HS6ST2: variants seen among roughly 807,000 people sequenced by gnomAD.
HS6ST2 encodes heparan sulfate 6-O-sulfotransferase 2.
In HS6ST2, 17 loss-of-function variants were observed where a neutral mutation model predicts 33.0. The observed-to-expected ratio is 0.52, with a 90% CI of 0.35 to 0.77. HS6ST2 has a LOEUF of 0.77. HS6ST2 is among the 30% of genes least tolerant of loss of function. HS6ST2 has a pLI of 0.01. For missense variants in HS6ST2, 519 were observed against 551.7 expected (o/e 0.94, Z 0.59); for synonymous variants, 248 against 237.1 (o/e 1.05, Z -0.42).
chrX:132,900,953 C>T (rs1338602078), intron 2 of HS6ST2, among the ~76,000 whole-genome samples: 1 of 112,295 alleles, frequency 8.9e-6, no homozygotes, highest in African/African-American at 3.2e-5. Flanking sequence ...CTCTTATTAT[C>T]TTTCACTTTC....
At chrX:132,699,354 A>G (rs973557574) in intron 3 of HS6ST2, among the ~76,000 whole-genome samples, 6 of 111,831 alleles carry the variant, frequency 5.4e-5, no homozygotes, top group Admixed American at 4.8e-4. Flanking sequence ...ATTTATACAT[A>G]TTTTGATAGC....
At chrX:132,781,687 G>C (rs185878310) in intron 2 of HS6ST2, among the ~76,000 whole-genome samples, 1 of 111,628 alleles carries the variant, frequency 9.0e-6, no homozygotes, top group Non-Finnish European at 1.9e-5. Context: ...GAAGGTGAAC[G>C]GGAAGCAAGG....
intron 4 of HS6ST2, among the ~76,000 whole-genome samples, chrX:132,647,660 G>A (rs745878149): frequency 8.9e-6 from 1 of 112,270 alleles, no homozygotes; most frequent in South Asian, 3.7e-4. Flanking sequence ...TAGCATCTGT[G>A]CAAACACTGG....
intron 2 of HS6ST2, among the ~76,000 whole-genome samples, chrX:132,727,358 G>C (rs1453938123): frequency 9.0e-6 from 1 of 110,877 alleles, no homozygotes; most frequent in African/African-American, 3.3e-5. Context: ...ATTCAAGGGT[G>C]AATAAGACAT....
rs543368656 is a variant in HS6ST2 at position 132,898,613 on chromosome X, T to C, written c.947+58195A>G. ...ACACTAGACAACAGTCAGTACAAGA[T>C]TGCTAGCCCTCAGAGAAGGGGAACA... On this transcript the variant is annotated intron_variant, in intron 2 of 4. Coordinates refer to ENST00000370833, the MANE Select transcript of HS6ST2 (RefSeq NM_001394073.1). 1.2e-4 allele frequency among the ~76,000 whole-genome samples: 13 copies of C among 109,777 alleles called. No homozygotes were observed. In the South Asian group the frequency reaches 4.0e-3, roughly 33 times the overall value.
intron 1 of HS6ST2, among the ~76,000 whole-genome samples, chrX:132,957,534 GCA>G (rs1167530356): frequency 5.5e-5 from 6 of 109,352 alleles, no homozygotes; most frequent in Non-Finnish European, 9.6e-5. Flanking sequence ...GGCTTCTGCG[GCA>G]CACACACACC....
chrX:132,773,912 C>G (rs1261948494), intron 2 of HS6ST2, among the ~76,000 whole-genome samples: 1 of 111,700 alleles, frequency 9.0e-6, no homozygotes, highest in African/African-American at 3.3e-5. Flanking sequence ...GATGGTGGCA[C>G]AACTCTGAAT....
At chrX:132,923,824 A>T (rs2066681579) in intron 2 of HS6ST2, among the ~76,000 whole-genome samples, 2 of 111,319 alleles carry the variant, frequency 1.8e-5, no homozygotes, top group South Asian at 7.8e-4. Context: ...GGCCCGCTCC[A>T]TATGTAATAG....
chrX:132,655,952 C>T (rs1395127861), intron 4 of HS6ST2, among the ~76,000 whole-genome samples: 1 of 111,303 alleles, frequency 9.0e-6, no homozygotes, highest in Non-Finnish European at 1.9e-5. Context: ...CTAAAATAAT[C>T]CTTTCCCCAA....
chrX:132,851,341 CA>C (rs2065798841), intron 2 of HS6ST2, among the ~76,000 whole-genome samples: 1 of 112,514 alleles, frequency 8.9e-6, no homozygotes, highest in African/African-American at 3.2e-5. Context: ...ATGTAAGACA[CA>C]TCTTGTAATG....
At chrX:132,646,242 A>G (rs750520815) in intron 4 of HS6ST2, among the ~76,000 whole-genome samples, 27 of 111,901 alleles carry the variant, frequency 2.4e-4, no homozygotes, top group Non-Finnish European at 4.3e-4. Flanking sequence ...GCAATCCACA[A>G]TGTAAAGTTT....
At chrX:132,729,047 A>G (rs2064427595) in intron 2 of HS6ST2, among the ~76,000 whole-genome samples, 1 of 112,081 alleles carries the variant, frequency 8.9e-6, no homozygotes, top group South Asian at 3.8e-4. Flanking sequence ...TCATGTGCTA[A>G]GACTGTCACT....
chrX:132,777,549 G>A (rs915571658), intron 2 of HS6ST2, among the ~76,000 whole-genome samples: 6 of 108,715 alleles, frequency 5.5e-5, no homozygotes, highest in Non-Finnish European at 1.1e-4. Flanking sequence ...TCCTGCCTCA[G>A]CCTCCCGAGT....
intron 2 of HS6ST2, among the ~76,000 whole-genome samples, chrX:132,817,479 C>T (rs1302441937): frequency 9.0e-6 from 1 of 110,852 alleles, no homozygotes; most frequent in Non-Finnish European, 1.9e-5. Flanking sequence ...AAGTAAAATG[C>T]CTATGCTTTG....
rs533334816 is a variant in HS6ST2 at position 132,903,289 on chromosome X, T to C, written c.947+53519A>G. On this transcript the variant is annotated intron_variant, in intron 2 of 4. Coordinates refer to ENST00000370833, the MANE Select transcript of HS6ST2 (RefSeq NM_001394073.1). Reference sequence around the variant, plus strand: ...AACTAAAATACATTGCAGAAAGAAATTAAAGAGGACCTAAATAAATGGGAA... The same window carrying C: ...AACTAAAATACATTGCAGAAAGAAACTAAAGAGGACCTAAATAAATGGGAA... Among the ~76,000 whole-genome samples, 9 of 111,356 alleles carry C rather than the reference T, an allele frequency of 8.1e-5. No individual in the cohort carries two copies. In the South Asian group the frequency reaches 3.4e-3, roughly 42 times the overall value.
chrX:132,813,688 C>T (rs1251437202), intron 2 of HS6ST2, among the ~76,000 whole-genome samples: 2 of 110,079 alleles, frequency 1.8e-5, no homozygotes, highest in Non-Finnish European at 3.8e-5. Flanking sequence ...GGTCACATGT[C>T]CTGTCTTGTC....
intron 2 of HS6ST2, among the ~76,000 whole-genome samples, chrX:132,856,719 A>G (rs1186087917): frequency 8.9e-6 from 1 of 112,173 alleles, no homozygotes; most frequent in African/African-American, 3.2e-5. Context: ...TAAAAACAAT[A>G]AAAGCTATTT....
chrX:132,772,399 AAAC>A (rs1347345791), intron 2 of HS6ST2, among the ~76,000 whole-genome samples: 1 of 110,051 alleles, frequency 9.1e-6, no homozygotes, highest in East Asian at 2.8e-4. Flanking sequence ...TGAGGAAATA[AAAC>A]AACAACACAT....
chrX:132,847,436 A>G (rs753324982), intron 2 of HS6ST2, among the ~76,000 whole-genome samples: 1 of 111,405 alleles, frequency 9.0e-6, no homozygotes, highest in East Asian at 2.8e-4. Context: ...GTGGGGGATG[A>G]CAGTATCACC....
Sources: gnomAD v4.1 joint callset for allele counts (sites outside exome capture counted in the v4.1 genomes callset) on GRCh38, gnomAD v4.1.1 for gene constraint, MANE v1.5 for transcripts, NCBI Gene and HGNC (gene_info 2026-07-23, HGNC 2026-07-21) for gene names.